Variants in TRAK1 observed in about 807,000 individuals in gnomAD.
The protein encoded by TRAK1 is trafficking kinesin protein 1, also known as trafficking kinesin-binding protein 1.
Under a neutral mutation model 92.1 loss-of-function variants are expected in TRAK1, and 33 were observed. The ratio of observed to expected loss-of-function variants is 0.36; its 90% CI spans 0.27 to 0.48. The LOEUF (loss-of-function observed/expected upper bound fraction) is 0.48, where lower values mean the gene tolerates loss of function less well. TRAK1 is among the 20% of genes least tolerant of loss of function. The pLI, the probability that TRAK1 is intolerant of heterozygous loss-of-function variation, is 0.99. For missense variants in TRAK1, 1,123 were observed against 1,257.9 expected (o/e 0.89, Z 1.62); for synonymous variants, 521 against 517.3 (o/e 1.01, Z -0.10).
At chr3:42,017,088 C>T (rs576248414) in intron 1 of TRAK1, among the ~76,000 whole-genome samples, 9 of 152,206 alleles carry the variant, frequency 5.9e-5, no homozygotes, top group African/African-American at 2.2e-4. Context: ...GGTGAAACCC[C>T]GTCTCTACTA....
At chr3:42,125,906 A>C (rs1017957481) in intron 2 of TRAK1, among the ~76,000 whole-genome samples, 4 of 152,150 alleles carry the variant, frequency 2.6e-5, no homozygotes, top group Non-Finnish European at 4.4e-5. Context: ...GCTGGAGTGC[A>C]ATGGTGTGAT....
At chr3:42,078,889 T>TC (rs1431434956) in intron 1 of TRAK1, among the ~76,000 whole-genome samples, 3 of 151,826 alleles carry the variant, frequency 2.0e-5, no homozygotes, top group Non-Finnish European at 4.4e-5. Context: ...ACTTGCAAAA[T>TC]CTGGAGAGAA....
chr3:42,218,534 T>A (rs942411334), intron 14 of TRAK1: 9 of 984,340 alleles, frequency 9.1e-6, no homozygotes, highest in African/African-American at 7.0e-5. Context: ...TATTATTATT[T>A]TTTTTCCTGA....
At chr3:42,218,858 T>C in intron 14 of TRAK1, 2 of 985,420 alleles carry the variant, frequency 2.0e-6, no homozygotes, top group Non-Finnish European at 2.4e-6. Context: ...GACCTGATCC[T>C]GGAGCTCAGG....
intron 1 of TRAK1, among the ~76,000 whole-genome samples, chr3:42,047,309 C>A (rs571287636): frequency 6.6e-6 from 1 of 151,038 alleles, no homozygotes; most frequent in Non-Finnish European, 1.5e-5. Flanking sequence ...GATCCTCCCA[C>A]CTCAGCCTTC....
In TRAK1 at chr3:42,193,070, C is replaced by G; in HGVS notation, c.770-5C>G. 6.2e-7 allele frequency: 1 copy of G among 1,613,566 alleles called. No individual in the cohort carries two copies. ...CCTCTCCTGATTGTTGCTTCTTTGT[C>G]AAAGGGGATGCCAATGTCCAGATTG... is the stretch of plus-strand genomic sequence containing the variant. On this transcript the variant is annotated splice_region_variant and splice_polypyrimidine_tract_variant and intron_variant, in intron 7 of 15. Transcript: ENST00000327628.
At chr3:42,054,095 T>C (rs752040814) in intron 1 of TRAK1, among the ~76,000 whole-genome samples, 4 of 152,176 alleles carry the variant, frequency 2.6e-5, no homozygotes, top group Non-Finnish European at 4.4e-5. Flanking sequence ...CAGCGACCTG[T>C]CCTTATAAAG....
chr3:42,183,432 T>G (rs1449719199), intron 3 of TRAK1, among the ~76,000 whole-genome samples: 1 of 151,740 alleles, frequency 6.6e-6, no homozygotes, highest in Non-Finnish European at 1.5e-5. Flanking sequence ...GGCACATACC[T>G]GTAATCCCAG....
intron 1 of TRAK1, among the ~76,000 whole-genome samples, chr3:42,052,071 T>C (rs536507187): frequency 6.6e-5 from 10 of 152,366 alleles, no homozygotes; most frequent in Non-Finnish European, 1.3e-4. Context: ...AGGAGTAATC[T>C]GTGAAGTCCA....
At chr3:42,156,186 T>G (rs532409350) in intron 2 of TRAK1, among the ~76,000 whole-genome samples, 2 of 152,332 alleles carry the variant, frequency 1.3e-5, no homozygotes, top group South Asian at 4.2e-4. Flanking sequence ...TGCCGGTCTT[T>G]GGGGGTTGTG....
intron 1 of TRAK1, among the ~76,000 whole-genome samples, chr3:42,069,184 T>G (rs1703804889): frequency 6.6e-6 from 1 of 151,940 alleles, no homozygotes; most frequent in Non-Finnish European, 1.5e-5. Flanking sequence ...CACACACAAT[T>G]AGCTGGGCGT....
intron 1 of TRAK1, among the ~76,000 whole-genome samples, chr3:42,021,569 T>G (rs903309301): frequency 2.0e-5 from 3 of 152,196 alleles, no homozygotes; most frequent in Non-Finnish European, 2.9e-5. Context: ...CCTTATATGA[T>G]AACCTCATAC....
chr3:42,116,826 A>G (rs1001824790), intron 1 of TRAK1, among the ~76,000 whole-genome samples: 2 of 152,164 alleles, frequency 1.3e-5, no homozygotes, highest in Non-Finnish European at 2.9e-5. Context: ...GAAAAAAATA[A>G]AAAAGATGGA....
At chr3:42,149,334 C>T in intron 2 of TRAK1, 3 of 1,433,190 alleles carry the variant, frequency 2.1e-6, no homozygotes, top group South Asian at 3.0e-5. Context: ...CTACTCCCTC[C>T]TTCCCCCATA....
At chr3:42,203,602 C>T (rs1374413192) in intron 13 of TRAK1, 24 of 983,056 alleles carry the variant, frequency 2.4e-5, no homozygotes, top group Non-Finnish European at 2.8e-5. Flanking sequence ...ATTTTTTACT[C>T]CTTTAGTTTG....
At chr3:42,183,568 A>AAAAAAAAAAAGAAAG (rs1553751625) in intron 3 of TRAK1, among the ~76,000 whole-genome samples, 1 of 145,218 alleles carries the variant, frequency 6.9e-6, no homozygotes, top group Non-Finnish European at 1.5e-5. Context: ...AAAAAAAAAA[A>AAAAAAAAAAAGAAAG]AAAGAAAGAA....
At position 42,149,294 on chromosome 3, in the gene TRAK1, CTCTGCAAATTG is replaced by C. The variant is rs921635360; in HGVS notation, c.286+23681_286+23691del. ...AGTGCTGCCAGGGTCTCCGTTAGCT[CTCTGCAAATTG>C]CCTTCCTTTCTGCTCCTCCTACTCC... On this transcript the variant is annotated intron_variant, in intron 2 of 15. Coordinates refer to ENST00000327628, the MANE Select transcript of TRAK1 (RefSeq NM_001042646.3). 2.3e-5 allele frequency: 32 copies of C among 1,402,706 alleles called. No individual in the cohort carries two copies. The African/African-American group carries it at 2.6e-4, about 11-fold the overall frequency. The allele number at this position is 1,402,706 out of a possible 1,614,324, so 86.9% of individuals were successfully genotyped here.
At chr3:42,041,597 C>CTTTTTTTTTTTT (rs61237103) in intron 1 of TRAK1, among the ~76,000 whole-genome samples, 1 of 141,384 alleles carries the variant, frequency 7.1e-6, no homozygotes, top group African/African-American at 2.6e-5. Context: ...TATGAGGGCC[C>CTTTTTTTTTTTT]TTTTTTTTTT....
At chr3:42,217,774 C>T (rs1424661145) in intron 14 of TRAK1, 2 of 985,208 alleles carry the variant, frequency 2.0e-6, no homozygotes, top group African/African-American at 3.5e-5. Context: ...TCTTCCCAGG[C>T]TTTTTGTTAT....
Sources: allele counts gnomAD v4.1 joint callset (sites outside exome capture counted in the v4.1 genomes callset), GRCh38; gene constraint gnomAD v4.1.1; transcripts MANE v1.5; gene names NCBI Gene and HGNC (gene_info 2026-07-23, HGNC 2026-07-21).